TBC1D22A: variants seen among roughly 807,000 people sequenced by gnomAD.
TBC1D22A encodes the protein putative GTPase activator.
TBC1D22A carries 38 observed loss-of-function variants against 60.2 expected under a neutral mutation model. The observed-to-expected ratio is 0.63, with a 90% confidence interval of 0.49 to 0.83. TBC1D22A has a LOEUF of 0.83. Ranked by LOEUF, TBC1D22A falls within the 40% of genes least tolerant of loss-of-function variation. The probability of loss-of-function intolerance (pLI) is 0.00; values close to 1 mark genes in which losing one functional copy is unlikely to be tolerated. For synonymous variants in TBC1D22A, 302 were observed against 281.7 expected (o/e 1.07, Z -0.72); for missense variants, 628 against 701.0 (o/e 0.90, Z 1.18).
intron 8 of TBC1D22A, among the ~76,000 whole-genome samples, chr22:46,930,781 C>G (rs1320361750): frequency 6.6e-6 from 1 of 152,058 alleles, no homozygotes; most frequent in East Asian, 1.9e-4. Flanking sequence ...ATTTTAAATC[C>G]TGGCTTCCAT....
At chr22:46,909,541 G>A (rs547511482) in intron 7 of TBC1D22A, among the ~76,000 whole-genome samples, 3 of 152,262 alleles carry the variant, frequency 2.0e-5, no homozygotes, top group East Asian at 3.9e-4. Context: ...CAGGCACCCC[G>A]GGCCTTCTTG....
intron 12 of TBC1D22A, among the ~76,000 whole-genome samples, chr22:47,144,391 TGAA>T (rs1168401165): frequency 3.3e-5 from 5 of 152,182 alleles, no homozygotes; most frequent in South Asian, 2.1e-4. Context: ...AGCATAAAGA[TGAA>T]GAAGTGAGAC....
chr22:46,991,406 A>G (rs1242929570), intron 9 of TBC1D22A, among the ~76,000 whole-genome samples: 1 of 152,180 alleles, frequency 6.6e-6, no homozygotes, highest in African/African-American at 2.4e-5. Flanking sequence ...AGATGGCACA[A>G]TCAAGATTCA....
At chr22:47,130,916 G>A (rs189574367) in intron 12 of TBC1D22A, among the ~76,000 whole-genome samples, 1 of 152,344 alleles carries the variant, frequency 6.6e-6, no homozygotes, top group East Asian at 1.9e-4. Context: ...TTTGGCTCAG[G>A]GTTTAGCAGG....
At chr22:47,040,197 G>A (rs993355088) in intron 11 of TBC1D22A, among the ~76,000 whole-genome samples, 1 of 151,838 alleles carries the variant, frequency 6.6e-6, no homozygotes, top group Non-Finnish European at 1.5e-5. Context: ...CACCTGCCTC[G>A]GCCTCCCAAA....
chr22:46,782,994 C>T (rs1369613253), intron 1 of TBC1D22A, among the ~76,000 whole-genome samples: 7 of 152,148 alleles, frequency 4.6e-5, no homozygotes, highest in Non-Finnish European at 8.8e-5. Context: ...ATGGGTCATG[C>T]GATAACTCCA....
intron 11 of TBC1D22A, among the ~76,000 whole-genome samples, chr22:47,085,907 A>G (rs1020443179): frequency 4.6e-5 from 7 of 152,246 alleles, no homozygotes; most frequent in Admixed American, 1.3e-4. Flanking sequence ...ACACAGATGC[A>G]CTTGCTGTCC....
intron 11 of TBC1D22A, among the ~76,000 whole-genome samples, chr22:47,095,409 A>G (rs1354204582): frequency 6.6e-6 from 1 of 152,268 alleles, no homozygotes; most frequent in African/African-American, 2.4e-5. Context: ...TGTTCCTTTT[A>G]TCACAGTTTC....
chr22:47,096,160 T>C (rs936350762), intron 11 of TBC1D22A, among the ~76,000 whole-genome samples: 5 of 152,246 alleles, frequency 3.3e-5, no homozygotes, highest in Non-Finnish European at 5.9e-5. Flanking sequence ...TCAGATCTGT[T>C]GTCTATTTCT....
At position 47,028,123 on chromosome 22, in the gene TBC1D22A, T is replaced by G. The variant is rs1325039029; in HGVS notation, c.1202-8948T>G. On this transcript the variant is annotated intron_variant, in intron 10 of 12. Transcript: ENST00000337137. The surrounding 1 kb of genome is among the most constrained non-coding windows in gnomAD (Gnocchi z 4.4). The stretch of plus-strand genomic sequence containing the variant: ...AGGTGAAAATGATTTAATACCTTGT[T>G]GCTTCAGTGCCATGTAGCTCTAGAA... Among the ~76,000 whole-genome samples, 2 of 152,262 alleles carry G rather than the reference T, an allele frequency of 1.3e-5. No homozygotes were observed. The highest frequency in any genetic ancestry group is 2.9e-5 in the Non-Finnish European group (2 of 68,050).
chr22:47,126,067 C>T (rs1005771904), intron 12 of TBC1D22A, among the ~76,000 whole-genome samples: 2 of 152,172 alleles, frequency 1.3e-5, no homozygotes, highest in South Asian at 2.1e-4. Flanking sequence ...CTGCAGCCTC[C>T]GCCTCCCAGG....
chr22:46,935,569 A>G (rs1365412415), intron 8 of TBC1D22A, among the ~76,000 whole-genome samples: 1 of 152,192 alleles, frequency 6.6e-6, no homozygotes, highest in Non-Finnish European at 1.5e-5. Context: ...AGTTTGGGTG[A>G]CATTTCTCCC....
In TBC1D22A at chr22:46,866,970, C is replaced by T. The variant is rs987703047; in HGVS notation, c.638-11683C>T. Among the ~76,000 whole-genome samples the T allele has an allele frequency of 9.2e-5, 14 of 152,328 alleles. No homozygotes were observed. In the South Asian group the frequency reaches 1.7e-3, roughly 18 times the overall value. ...ATTCCCTTCACAAACGTTTTGTATC[C>T]GTGGCTTGGGCTCATTGCAGGGAGG... On this transcript the variant is annotated intron_variant, in intron 4 of 12. Coordinates refer to ENST00000337137, the MANE Select transcript of TBC1D22A (RefSeq NM_014346.5).
intron 8 of TBC1D22A, among the ~76,000 whole-genome samples, chr22:46,928,153 A>T (rs1212635644): frequency 1.3e-5 from 2 of 151,582 alleles, no homozygotes; most frequent in Non-Finnish European, 2.9e-5. Flanking sequence ...AAAGATTAGG[A>T]CTCACGCATT....
At chr22:47,096,762 C>T (rs1296830489) in intron 11 of TBC1D22A, among the ~76,000 whole-genome samples, 1 of 152,232 alleles carries the variant, frequency 6.6e-6, no homozygotes, top group Non-Finnish European at 1.5e-5. Context: ...GTGGAGGTTG[C>T]AGTGAGCCGA....
At position 47,142,290 on chromosome 22, in the gene TBC1D22A, C is replaced by T. The variant is rs1405865597; in HGVS notation, c.1425+30687C>T. Among the ~76,000 whole-genome samples the T allele has an allele frequency of 9.4e-5, 13 of 138,614 alleles. No homozygotes were observed. The East Asian group carries it at 2.7e-3, about 29-fold the overall frequency. The allele number at this position is 138,614 out of a possible 152,430, so 90.9% of individuals were successfully genotyped here. On this transcript the variant is annotated intron_variant, in intron 12 of 12. Transcript: ENST00000337137. ...CCCACTCATCCACCCCATCCACCCA[C>T]CCATTCTTCCATCCATCCATCCACC...
At chr22:46,922,540 A>C (rs2147849561) in intron 8 of TBC1D22A, among the ~76,000 whole-genome samples, 1 of 152,344 alleles carries the variant, frequency 6.6e-6, no homozygotes, top group African/African-American at 2.4e-5. Flanking sequence ...CCATTTTAAC[A>C]ATAGTGATTC....
rs1037703334 is a variant in TBC1D22A, at chr22:46,863,787, G to A, written c.638-14866G>A. Reference sequence around the variant, plus strand: ...TTAAAATGTCCCCTTCCCTCAGCCCGGGTTGCACCTGCTTCTGGCCTGCAT... The same window carrying A: ...TTAAAATGTCCCCTTCCCTCAGCCCAGGTTGCACCTGCTTCTGGCCTGCAT... On this transcript the variant is annotated intron_variant, in intron 4 of 12. Coordinates refer to ENST00000337137, the MANE Select transcript of TBC1D22A (RefSeq NM_014346.5). 6.6e-5 allele frequency among the ~76,000 whole-genome samples: 10 copies of A among 152,104 alleles called. No homozygotes were observed. The East Asian group carries it at 7.7e-4, about 12-fold the overall frequency.
intron 12 of TBC1D22A, among the ~76,000 whole-genome samples, chr22:47,120,460 T>C (rs2066231896): frequency 1.3e-5 from 2 of 152,216 alleles, no homozygotes; most frequent in Admixed American, 1.3e-4. Flanking sequence ...AACAAAATGC[T>C]TTTTAAGTTC....
Sources: gnomAD v4.1 joint callset for allele counts (sites outside exome capture counted in the v4.1 genomes callset) on GRCh38, gnomAD v4.1.1 for gene constraint, Gnocchi (gnomAD v3.1) non-coding constraint, MANE v1.5 for transcripts, NCBI Gene and HGNC (gene_info 2026-07-23, HGNC 2026-07-21) for gene names.